Variants in GPHN observed in about 807,000 individuals in gnomAD.
The protein encoded by GPHN is gephyrin.
Under a neutral mutation model 95.5 loss-of-function variants are expected in GPHN, and 17 were observed. That is an observed-to-expected ratio of 0.18 (90% CI 0.12 to 0.27). The LOEUF (loss-of-function observed/expected upper bound fraction) is 0.27. Among genes scored for constraint, GPHN ranks in the 10% least tolerant of loss-of-function variants. The pLI is 1.00. For missense variants in GPHN, 660 were observed against 978.1 expected, an observed-to-expected ratio of 0.67 and a Z score of 4.34; for synonymous variants, 320 against 322.5, an observed-to-expected ratio of 0.99 and a Z score of 0.08.
chr14:67,546,936 G>A, the GPHN span, among the ~76,000 whole-genome samples: 1 of 152,256 alleles, frequency 6.6e-6, no homozygotes, highest in African/African-American at 2.4e-5. Context: ...GTTTTAGAGT[G>A]TGCCTGTCTA....
chr14:67,318,761 C>G, the GPHN span, among the ~76,000 whole-genome samples: 1 of 152,002 alleles, frequency 6.6e-6, no homozygotes, highest in African/African-American at 2.4e-5. Context: ...GTAATAGATT[C>G]AAGTTTAGAT....
At chr14:67,310,255 C>T in the GPHN span, among the ~76,000 whole-genome samples, 5 of 152,010 alleles carry the variant, frequency 3.3e-5, no homozygotes, top group African/African-American at 1.2e-4. Context: ...TTAATAAAAA[C>T]TGTTTTTTCA....
the GPHN span, chr14:67,384,242 AT>A: frequency 6.6e-6 from 1 of 152,066 alleles, no homozygotes; most frequent in Admixed American, 6.5e-5. Context: ...AAGCAGCTGC[AT>A]TTTTTATTTA....
chr14:67,674,162 C>A, the GPHN span, among the ~76,000 whole-genome samples: 1 of 152,230 alleles, frequency 6.6e-6, no homozygotes, highest in African/African-American at 2.4e-5. Flanking sequence ...TGTGGAAGGC[C>A]ATAGAAGGAT....
At position 66,990,134 on chromosome 14, in the gene GPHN, G is replaced by T. The variant is rs547878835; in HGVS notation, c.963+24809G>T. ...GTACGTTGTATATGGCGGCAGGAGG[G>T]GAGAGAGCACAGGGAAAACTGCCAC... On this transcript the variant is annotated intron_variant, in intron 9 of 22. Transcript: ENST00000478722. Among the ~76,000 whole-genome samples, 10 of 152,198 alleles carry T rather than the reference G, an allele frequency of 6.6e-5. No homozygotes were observed. The East Asian group carries it at 1.7e-3, about 27-fold the overall frequency.
At chr14:67,420,441 T>C in the GPHN span, among the ~76,000 whole-genome samples, 1 of 152,180 alleles carries the variant, frequency 6.6e-6, no homozygotes, top group African/African-American at 2.4e-5. Context: ...CTGAGGTTAA[T>C]GATGGGAAGA....
intron 2 of GPHN, among the ~76,000 whole-genome samples, chr14:66,732,942 T>C (rs2071916891): frequency 2.0e-5 from 3 of 152,086 alleles, no homozygotes; most frequent in Admixed American, 2.0e-4. Flanking sequence ...GAAGGCATGA[T>C]TGGTTTTGAA....
At chr14:67,336,037 T>A in the GPHN span, among the ~76,000 whole-genome samples, 793 of 152,262 alleles carry the variant, frequency 5.2e-3, 8 homozygotes, top group African/African-American at 0.018. Context: ...AACAACTAAG[T>A]GTATTAAAGA....
rs200167325 is a variant in GPHN at position 66,785,380 on chromosome 14, TAATA to T, written c.201+8870_201+8873del. Among the ~76,000 whole-genome samples, 63 of 151,896 alleles carry T rather than the reference TAATA, an allele frequency of 4.1e-4. No individual in the cohort carries two copies. In the East Asian group the frequency reaches 0.012, roughly 28 times the overall value. ...GACTCCATTTCAAAAATAAATAAAT[TAATA>T]AATAAATAAAATTTAAAAAGCATTA... On this transcript the variant is annotated intron_variant, in intron 3 of 22. Transcript: ENST00000478722.
chr14:67,648,052 A>G, the GPHN span: 1 of 1,610,876 alleles, frequency 6.2e-7, no homozygotes, highest in African/African-American at 1.3e-5. Flanking sequence ...TTTAGGAGAC[A>G]AAGACCAATC....
the GPHN span, among the ~76,000 whole-genome samples, chr14:67,280,307 A>C: frequency 3.9e-5 from 6 of 152,226 alleles, no homozygotes; most frequent in Non-Finnish European, 7.4e-5. Context: ...CCAAGTGCTC[A>C]CTGAACTAGT....
chr14:66,604,534 A>G (rs1192323379), intron 1 of GPHN, among the ~76,000 whole-genome samples: 1 of 152,160 alleles, frequency 6.6e-6, no homozygotes, highest in African/African-American at 2.4e-5. Flanking sequence ...TATAATTAAA[A>G]TATAAACTTG....
At chr14:67,316,941 T>A in the GPHN span, 1 of 1,524,654 alleles carries the variant, frequency 6.6e-7, no homozygotes, top group Non-Finnish European at 9.0e-7. Context: ...AATGGTTTCT[T>A]GGGTCTTCAT....
At chr14:67,644,839 A>G in the GPHN span, among the ~76,000 whole-genome samples, 2 of 152,052 alleles carry the variant, frequency 1.3e-5, no homozygotes, top group Non-Finnish European at 2.9e-5. Flanking sequence ...TTTACTAAAA[A>G]TACAAAAAAT....
intron 8 of GPHN, among the ~76,000 whole-genome samples, chr14:66,935,794 A>G (rs1033670533): frequency 2.0e-5 from 3 of 151,986 alleles, no homozygotes; most frequent in African/African-American, 7.3e-5. Context: ...CCTTTTATCC[A>G]TGAGGATTTT....
the GPHN span, among the ~76,000 whole-genome samples, chr14:67,605,546 G>A: frequency 5.3e-5 from 8 of 151,950 alleles, no homozygotes; most frequent in African/African-American, 1.9e-4. Flanking sequence ...TTAGTAAGAT[G>A]TGTTTGGTAT....
the GPHN span, among the ~76,000 whole-genome samples, chr14:67,490,962 C>T: frequency 6.6e-6 from 1 of 152,208 alleles, no homozygotes; most frequent in Admixed American, 6.5e-5. Context: ...GGGTCTCCTA[C>T]AGTTCATTTA....
chr14:66,809,494 T>A (rs1211040521), intron 3 of GPHN, among the ~76,000 whole-genome samples: 1 of 152,024 alleles, frequency 6.6e-6, no homozygotes, highest in Non-Finnish European at 1.5e-5. Flanking sequence ...AAACAAGAAA[T>A]ACAAAAAAGA....
At chr14:66,738,610 A>T (rs1473527558) in intron 2 of GPHN, among the ~76,000 whole-genome samples, 2 of 152,190 alleles carry the variant, frequency 1.3e-5, no homozygotes, top group Admixed American at 1.3e-4. Flanking sequence ...ATTTAAAAAA[A>T]TAGTTTTAAA....
Sources: gnomAD v4.1 joint callset for allele counts (sites outside exome capture counted in the v4.1 genomes callset) on GRCh38, gnomAD v4.1.1 for gene constraint, MANE v1.5 for transcripts, NCBI Gene and HGNC (gene_info 2026-07-23, HGNC 2026-07-21) for gene names.